Variants in FBXO11 observed in about 807,000 individuals in gnomAD.
The protein encoded by FBXO11 is F-box protein 11, also known as F-box only protein 11.
A neutral mutation model predicts 117.0 loss-of-function variants in FBXO11; 13 were observed. The observed-to-expected ratio is 0.11, with a 90% CI of 0.07 to 0.18. FBXO11 has a LOEUF of 0.18. Among genes scored for constraint, FBXO11 ranks in the 10% least tolerant of loss-of-function variants. The pLI is 1.00. For missense variants in FBXO11, 767 were observed against 1,164.4 expected (o/e 0.66, Z 4.97); for synonymous variants, 490 against 380.5 (o/e 1.29, Z -3.35).
At chr2:47,855,729 G>T (rs1362617271) in intron 1 of FBXO11, among the ~76,000 whole-genome samples, 1 of 152,100 alleles carries the variant, frequency 6.6e-6, no homozygotes, top group East Asian at 1.9e-4. Flanking sequence ...CTACTTGGGA[G>T]GCTGAGGCAG....
intron 1 of FBXO11, among the ~76,000 whole-genome samples, chr2:47,890,065 C>A (rs1199243429): frequency 6.6e-6 from 1 of 152,180 alleles, no homozygotes; most frequent in Non-Finnish European, 1.5e-5. Flanking sequence ...ATCCTACTGC[C>A]TCAGTCTCCT....
At position 47,809,609 on chromosome 2, in the gene FBXO11, T is replaced by C; in HGVS notation, c.2437A>G (p.Thr813Ala). 6.2e-7 allele frequency: 1 copy of C among 1,611,026 alleles called. No individual in the cohort carries two copies. The highest frequency in any genetic ancestry group is 8.5e-7 in the Non-Finnish European group (1 of 1,177,674). ...GLFLASGVNV[T>A]MKDNKIMNNQ... ...GCAGACTCCAACATACCTTTCATTG[T>C]CACATTAACACCAGATGCTAAAAAT... The change falls in exon 20 of 23, where the codon ACA becomes GCA. Residue 813 changes from threonine (T) to alanine (A), a missense_variant. Thr to Ala is a moderately conservative substitution (Grantham distance 58, BLOSUM62 0). Transcript: ENST00000403359.
chr2:47,812,203 T>G (rs1342457404), intron 18 of FBXO11, among the ~76,000 whole-genome samples: 1 of 152,234 alleles, frequency 6.6e-6, no homozygotes, highest in Non-Finnish European at 1.5e-5. Flanking sequence ...GTTTACGATG[T>G]GCTCCACTCC....
chr2:47,812,746 G>C, intron 18 of FBXO11: 1 of 195,902 alleles, frequency 5.1e-6, no homozygotes, highest in South Asian at 9.1e-5. Flanking sequence ...AGGCACTATG[G>C]AACTTTTGCC....
intron 1 of FBXO11, among the ~76,000 whole-genome samples, chr2:47,902,991 C>A (rs1678414186): frequency 6.6e-6 from 1 of 151,494 alleles, no homozygotes; most frequent in South Asian, 2.1e-4. Context: ...ATAATTAAAC[C>A]CAGCATATTC....
At chr2:47,838,453 C>CCAGTAATTACTGGGTCAAAGGGCATGACT (rs1672761704) in intron 4 of FBXO11, among the ~76,000 whole-genome samples, 1 of 151,308 alleles carries the variant, frequency 6.6e-6, no homozygotes, top group African/African-American at 2.4e-5. Flanking sequence ...AGGGCATGAC[C>CCAGTAATTACTGGGTCAAAGGGCATGACT]CAGTAATTAC....
chr2:47,870,048 A>G (rs1675508410), intron 1 of FBXO11, among the ~76,000 whole-genome samples: 1 of 152,232 alleles, frequency 6.6e-6, no homozygotes, highest in Admixed American at 6.5e-5. Flanking sequence ...TTATCCATTC[A>G]GTGGAAGATC....
At chr2:47,828,198 C>G (rs1280438108) in intron 11 of FBXO11, among the ~76,000 whole-genome samples, 1 of 152,134 alleles carries the variant, frequency 6.6e-6, no homozygotes, top group African/African-American at 2.4e-5. Flanking sequence ...TCAGGTTGAT[C>G]TTGAACTCCT....
chr2:47,904,391 C>G lies in FBXO11; in HGVS notation c.232+1098G>C, dbSNP rs554262638. 8.6e-4 allele frequency among the ~76,000 whole-genome samples: 131 copies of G among 152,148 alleles called. 1 individual carries two copies. The highest frequency in any genetic ancestry group is 6.8e-3 in the Middle Eastern group (2 of 294). On this transcript the variant is annotated intron_variant, in intron 1 of 22. Transcript: ENST00000403359. ...TTGGAGACCAAGGTGCAACACCCCC[C>G]CTCATAAACCTCCCAAAATAACCAC... is the stretch of plus-strand genomic sequence containing the variant.
intron 21 of FBXO11, chr2:47,808,765 C>A: frequency 3.6e-6 from 1 of 275,710 alleles, no homozygotes; most frequent in East Asian, 6.9e-5. Flanking sequence ...CACTTAACCC[C>A]GACATCTTTA....
chr2:47,894,958 C>G (rs1412682928), intron 1 of FBXO11, among the ~76,000 whole-genome samples: 1 of 151,972 alleles, frequency 6.6e-6, no homozygotes, highest in African/African-American at 2.4e-5. Context: ...CCAAGAGACT[C>G]AAGAAAAACA....
At chr2:47,831,210 A>C (rs1672159017) in intron 11 of FBXO11, among the ~76,000 whole-genome samples, 1 of 151,880 alleles carries the variant, frequency 6.6e-6, no homozygotes, top group African/African-American at 2.4e-5. Flanking sequence ...TGAGGCCAGG[A>C]GTTCAAGCCC....
At chr2:47,847,959 C>G (rs1321302056) in intron 1 of FBXO11, among the ~76,000 whole-genome samples, 1 of 151,800 alleles carries the variant, frequency 6.6e-6, no homozygotes, top group Non-Finnish European at 1.5e-5. Context: ...CCCATCTCTA[C>G]TAAAAATACA....
intron 1 of FBXO11, among the ~76,000 whole-genome samples, chr2:47,841,914 C>G (rs1215810060): frequency 1.3e-5 from 2 of 151,942 alleles, no homozygotes; most frequent in African/African-American, 4.8e-5. Context: ...GCTGGGATTA[C>G]AGGCGTGAGC....
At chr2:47,870,330 G>A (rs1157768849) in intron 1 of FBXO11, among the ~76,000 whole-genome samples, 1 of 152,168 alleles carries the variant, frequency 6.6e-6, no homozygotes, top group East Asian at 1.9e-4. Context: ...GTCTCTGTGT[G>A]TGGGCTGAAT....
chr2:47,860,689 G>A (rs1231726565), intron 1 of FBXO11, among the ~76,000 whole-genome samples: 1 of 151,000 alleles, frequency 6.6e-6, no homozygotes, highest in African/African-American at 2.4e-5. Context: ...TTACATGCGT[G>A]AGCCACCACG....
rs148688854 is a variant in FBXO11 at position 47,832,294 on chromosome 2, T to C, written c.1398+55A>G. The C allele has an allele frequency of 1.6e-4, 231 of 1,453,640 alleles. 1 individual carries two copies. In the African/African-American group the frequency reaches 2.8e-3, roughly 18 times the overall value. The allele number at this position is 1,453,640 out of a possible 1,614,324, so 90.0% of individuals were successfully genotyped here. On this transcript the variant is annotated intron_variant, in intron 11 of 22. Coordinates refer to ENST00000403359, the MANE Select transcript of FBXO11 (RefSeq NM_001190274.2). ...ATGAGAAAATAATGCTGAAACATAC[T>C]TGGAATTTAACTGATACAGAAGTCC...
intron 4 of FBXO11, among the ~76,000 whole-genome samples, 169 bp from the exon 5 acceptor site, chr2:47,836,170 C>G (rs1672547341): frequency 6.6e-6 from 1 of 152,002 alleles, no homozygotes; most frequent in Admixed American, 6.6e-5. Flanking sequence ...CACAGTCTCA[C>G]TGTCATCCAG....
intron 1 of FBXO11, among the ~76,000 whole-genome samples, chr2:47,858,005 A>G (rs1365650641): frequency 1.3e-5 from 2 of 152,216 alleles, no homozygotes; most frequent in East Asian, 1.9e-4. Context: ...ATATCGCATT[A>G]AAGAACAGCA....
Sources: gnomAD v4.1 joint callset for allele counts (sites outside exome capture counted in the v4.1 genomes callset) on GRCh38, gnomAD v4.1.1 for gene constraint, MANE v1.5 for transcripts, NCBI Gene and HGNC (gene_info 2026-07-23, HGNC 2026-07-21) for gene names.